Variants in PTPRD observed in about 807,000 individuals in gnomAD.
The protein encoded by PTPRD is protein tyrosine phosphatase receptor type D.
In PTPRD, 34 loss-of-function variants were observed where a neutral mutation model predicts 214.5. That is an observed-to-expected ratio of 0.16 (90% CI 0.12 to 0.21). The LOEUF is 0.21. Ranked by LOEUF, PTPRD falls within the 10% of genes least tolerant of loss-of-function variation. The probability of loss-of-function intolerance (pLI) is 1.00; values close to 1 mark genes in which losing one functional copy is unlikely to be tolerated. For synonymous variants in PTPRD, 1,128 were observed against 845.7 expected, an observed-to-expected ratio of 1.33 and a Z score of -5.79; for missense variants, 2,545 against 2,398.7, an observed-to-expected ratio of 1.06 and a Z score of -1.27.
At chr9:9,842,298 ATTTTTTT>A (rs138386194) in intron 5 of PTPRD, among the ~76,000 whole-genome samples, 23 of 91,400 alleles carry the variant, frequency 2.5e-4, no homozygotes, top group African/African-American at 5.3e-4. Context: ...GAAGGAGAGC[ATTTTTTT>A]TTTTTTTTTT....
chr9:8,345,628 C>G (rs560635477), intron 39 of PTPRD, among the ~76,000 whole-genome samples: 1 of 151,938 alleles, frequency 6.6e-6, no homozygotes, highest in Admixed American at 6.6e-5. Context: ...ACAAAATAAT[C>G]CAAAACAGGT....
At chr9:9,923,624 A>C (rs1001718408) in intron 5 of PTPRD, among the ~76,000 whole-genome samples, 10 of 151,978 alleles carry the variant, frequency 6.6e-5, no homozygotes, top group African/African-American at 2.4e-4. Context: ...TACAAACAAA[A>C]AGGGAATCAG....
intron 11 of PTPRD, among the ~76,000 whole-genome samples, chr9:9,017,607 A>G (rs1479468223): frequency 1.3e-5 from 2 of 152,202 alleles, no homozygotes; most frequent in Admixed American, 1.3e-4. Context: ...TAGAAAGTTT[A>G]GAACACTAGT....
chr9:8,409,194 C>T (rs952760890), intron 35 of PTPRD, among the ~76,000 whole-genome samples: 2 of 152,086 alleles, frequency 1.3e-5, no homozygotes, highest in African/African-American at 4.8e-5. Flanking sequence ...CACAAAGACC[C>T]TAGAAGTAGT....
intron 5 of PTPRD, among the ~76,000 whole-genome samples, chr9:9,773,202 C>T (rs1203378387): frequency 1.3e-5 from 2 of 152,092 alleles, no homozygotes. Context: ...TGTAAACCTC[C>T]TTTCCCTCCT....
At chr9:9,269,666 T>C (rs1007305093) in intron 9 of PTPRD, among the ~76,000 whole-genome samples, 1 of 151,444 alleles carries the variant, frequency 6.6e-6, no homozygotes, top group African/African-American at 2.4e-5. Context: ...ATGTAAACAT[T>C]ATTCAGCATT....
chr9:8,539,153 A>T (rs2077706652), intron 14 of PTPRD, among the ~76,000 whole-genome samples: 1 of 152,096 alleles, frequency 6.6e-6, no homozygotes, highest in African/African-American at 2.4e-5. Flanking sequence ...TAAAATAAAG[A>T]CATGCATCCA....
chr9:10,443,285 T>C (rs1018235511), intron 2 of PTPRD, among the ~76,000 whole-genome samples: 1 of 151,642 alleles, frequency 6.6e-6, no homozygotes, highest in Non-Finnish European at 1.5e-5. Flanking sequence ...TGTGGAACTA[T>C]CAGATAAAGT....
intron 2 of PTPRD, among the ~76,000 whole-genome samples, chr9:10,501,769 A>G (rs746787015): frequency 6.6e-6 from 1 of 152,060 alleles, no homozygotes; most frequent in Non-Finnish European, 1.5e-5. Flanking sequence ...ATCGTCTCTC[A>G]GATTCAAGTT....
At chr9:8,803,221 G>T (rs12683411) in intron 11 of PTPRD, among the ~76,000 whole-genome samples, 1 of 152,030 alleles carries the variant, frequency 6.6e-6, no homozygotes, top group Non-Finnish European at 1.5e-5. Flanking sequence ...ACACACATCT[G>T]AAAGTGTTTG....
intron 11 of PTPRD, among the ~76,000 whole-genome samples, chr9:8,979,840 T>C (rs1392238882): frequency 2.0e-5 from 3 of 152,040 alleles, no homozygotes; most frequent in Non-Finnish European, 2.9e-5. Flanking sequence ...CCTAAACAAA[T>C]TACAGCAATT....
intron 10 of PTPRD, among the ~76,000 whole-genome samples, chr9:9,142,240 T>C (rs2099861737): frequency 1.3e-5 from 2 of 152,132 alleles, no homozygotes; most frequent in Admixed American, 1.3e-4. Context: ...GCTGGCGCCA[T>C]CTCCAGAGAA....
intron 2 of PTPRD, among the ~76,000 whole-genome samples, chr9:10,371,733 G>A (rs1407966630): frequency 1.3e-5 from 2 of 152,014 alleles, no homozygotes; most frequent in African/African-American, 2.4e-5. Flanking sequence ...TAGCATAAAG[G>A]AAATTGATCA....
In PTPRD at chr9:9,275,033, C is replaced by T. The variant is rs1398757546; in HGVS notation, c.-202-91670G>A. On this transcript the variant is annotated intron_variant, in intron 9 of 45. Coordinates refer to ENST00000381196, the MANE Select transcript of PTPRD (RefSeq NM_002839.4). Reference sequence around the variant, plus strand: ...TTCAAACTGATTGGACCATCAAAATCCCTTTGTTTCCATATATATATGTAT... The same window carrying T: ...TTCAAACTGATTGGACCATCAAAATTCCTTTGTTTCCATATATATATGTAT... 3.6e-5 allele frequency among the ~76,000 whole-genome samples: 4 copies of T among 109,866 alleles called. No homozygotes were observed. In the Admixed American group the frequency reaches 3.7e-4, roughly 10 times the overall value. The allele number at this position is 109,866 out of a possible 152,430, so 72.1% of individuals were successfully genotyped here. A position where few individuals can be genotyped will look rare whatever the true frequency, so the allele number is the denominator to read the frequency against.
At chr9:10,384,317 C>T (rs2097874416) in intron 2 of PTPRD, among the ~76,000 whole-genome samples, 1 of 151,590 alleles carries the variant, frequency 6.6e-6, no homozygotes, top group South Asian at 2.1e-4. Flanking sequence ...TAGGTACCCA[C>T]AAAAATTAAA....
At chr9:10,162,631 G>T (rs560955143) in intron 3 of PTPRD, among the ~76,000 whole-genome samples, 23 of 147,380 alleles carry the variant, frequency 1.6e-4, no homozygotes, top group African/African-American at 5.2e-4. Context: ...ATATATACAT[G>T]TATATAAACA....
chr9:9,051,319 T>C (rs1276888060), intron 10 of PTPRD, among the ~76,000 whole-genome samples: 1 of 152,190 alleles, frequency 6.6e-6, no homozygotes, highest in Non-Finnish European at 1.5e-5. Context: ...GTAGGCCCAT[T>C]TTATTAAATG....
chr9:8,686,967 G>C (rs1308473471), intron 12 of PTPRD, among the ~76,000 whole-genome samples: 1 of 152,042 alleles, frequency 6.6e-6, no homozygotes, highest in African/African-American at 2.4e-5. Context: ...GTAAGATATG[G>C]TATTTCCCCC....
chr9:10,149,535 T>C (rs2099046285), intron 3 of PTPRD, among the ~76,000 whole-genome samples: 1 of 152,190 alleles, frequency 6.6e-6, no homozygotes, highest in South Asian at 2.1e-4. Context: ...CTCCGTCCTC[T>C]ACCTGGTGTA....
Sources: allele counts gnomAD v4.1 joint callset (sites outside exome capture counted in the v4.1 genomes callset), GRCh38; gene constraint gnomAD v4.1.1; transcripts MANE v1.5; gene names NCBI Gene and HGNC (gene_info 2026-07-23, HGNC 2026-07-21).